Variants in GALNTL6 observed in about 807,000 individuals in gnomAD.
The protein encoded by GALNTL6 is polypeptide N-acetylgalactosaminyltransferase like 6.
Under a neutral mutation model 73.7 loss-of-function variants are expected in GALNTL6, and 46 were observed. The ratio of observed to expected loss-of-function variants is 0.62; its 90% confidence interval spans 0.49 to 0.80. The LOEUF is 0.80. Among genes scored for constraint, GALNTL6 ranks in the 30% least tolerant of loss-of-function variants. The pLI is 0.00. For synonymous variants in GALNTL6, 259 were observed against 263.7 expected (o/e 0.98, Z 0.17); for missense variants, 604 against 755.0 (o/e 0.80, Z 2.34).
intron 5 of GALNTL6, among the ~76,000 whole-genome samples, chr4:172,523,114 T>G (rs966517297): frequency 6.6e-6 from 1 of 152,250 alleles, no homozygotes; most frequent in Non-Finnish European, 1.5e-5. Context: ...TATATATTAC[T>G]CTTGTTAAGC....
At chr4:172,925,443 T>C (rs192274709) in intron 8 of GALNTL6, among the ~76,000 whole-genome samples, 218 of 152,306 alleles carry the variant, frequency 1.4e-3, no homozygotes, top group African/African-American at 5.0e-3. Flanking sequence ...TTTACTCACA[T>C]GAGTATGTCA....
At chr4:172,779,075 A>G (rs1417597086) in intron 5 of GALNTL6, among the ~76,000 whole-genome samples, 1 of 152,044 alleles carries the variant, frequency 6.6e-6, no homozygotes, top group Non-Finnish European at 1.5e-5. Context: ...TGAGCTCCAT[A>G]AGGGCTAATG....
intron 2 of GALNTL6, among the ~76,000 whole-genome samples, chr4:172,166,038 T>G (rs1251008367): frequency 1.3e-5 from 2 of 152,214 alleles, no homozygotes; most frequent in Non-Finnish European, 2.9e-5. Context: ...ATAAACAGTC[T>G]CATGTCATCA....
chr4:171,986,650 G>A (rs1266860241), intron 2 of GALNTL6, among the ~76,000 whole-genome samples: 1 of 152,108 alleles, frequency 6.6e-6, no homozygotes, highest in Non-Finnish European at 1.5e-5. Flanking sequence ...AGATTTTGTG[G>A]TAAGGGGTGA....
intron 2 of GALNTL6, among the ~76,000 whole-genome samples, chr4:172,107,243 T>C (rs930623452): frequency 2.0e-5 from 3 of 152,244 alleles, no homozygotes; most frequent in Admixed American, 6.5e-5. Flanking sequence ...GACTATCCTT[T>C]GTGTTTTGAC....
At chr4:172,475,006 TCAGCTGGTAAA>T (rs1733182176) in intron 5 of GALNTL6, among the ~76,000 whole-genome samples, 1 of 152,232 alleles carries the variant, frequency 6.6e-6, no homozygotes, top group East Asian at 1.9e-4. Flanking sequence ...AGCTGTGCCC[TCAGCTGGTAAA>T]AAATTGTATG....
At chr4:171,881,588 G>A (rs1736450261) in intron 2 of GALNTL6, among the ~76,000 whole-genome samples, 1 of 152,156 alleles carries the variant, frequency 6.6e-6, no homozygotes, top group Non-Finnish European at 1.5e-5. Flanking sequence ...GACACACCCA[G>A]GATCAATACT....
intron 2 of GALNTL6, among the ~76,000 whole-genome samples, chr4:171,894,445 C>T (rs17517151): frequency 0.028 from 4,196 of 152,228 alleles, 117 homozygotes; most frequent in Non-Finnish European, 0.039. Flanking sequence ...CACAAGACTA[C>T]TCTAGATAGG....
At chr4:172,980,581 G>A (rs930801528) in intron 10 of GALNTL6, among the ~76,000 whole-genome samples, 16 of 152,110 alleles carry the variant, frequency 1.1e-4, no homozygotes, top group African/African-American at 3.9e-4. Context: ...TTCCCACCTT[G>A]GAGATAGCCA....
chr4:172,714,533 GA>G (rs1049041688), intron 5 of GALNTL6, among the ~76,000 whole-genome samples: 27 of 152,096 alleles, frequency 1.8e-4, no homozygotes, highest in African/African-American at 5.3e-4. Context: ...TGCACTCTAA[GA>G]AAAAAACTTG....
chr4:172,785,353 T>A (rs956637260), intron 5 of GALNTL6, among the ~76,000 whole-genome samples: 2 of 152,154 alleles, frequency 1.3e-5, no homozygotes, highest in Admixed American at 6.5e-5. Flanking sequence ...ATTATCTTAT[T>A]TAAACTAGAT....
At chr4:172,396,106 A>G (rs1235316025) in intron 5 of GALNTL6, among the ~76,000 whole-genome samples, 1 of 152,088 alleles carries the variant, frequency 6.6e-6, no homozygotes, top group African/African-American at 2.4e-5. Context: ...CTGATAACCA[A>G]AAACTGTGTA....
intron 2 of GALNTL6, among the ~76,000 whole-genome samples, chr4:172,171,951 G>C (rs1287668681): frequency 6.6e-6 from 1 of 152,136 alleles, no homozygotes; most frequent in African/African-American, 2.4e-5. Flanking sequence ...TCCATTGGGT[G>C]GTATCAGATA....
At chr4:171,991,516 C>A (rs1046267621) in intron 2 of GALNTL6, among the ~76,000 whole-genome samples, 3 of 151,678 alleles carry the variant, frequency 2.0e-5, no homozygotes, top group African/African-American at 7.3e-5. Context: ...TAACAAATAT[C>A]AAGACTTTTT....
chr4:172,717,296 C>A (rs1304734082), intron 5 of GALNTL6, among the ~76,000 whole-genome samples: 2 of 152,214 alleles, frequency 1.3e-5, no homozygotes, highest in Non-Finnish European at 2.9e-5. Flanking sequence ...TGCCCCTTAA[C>A]ACATTCTATG....
At chr4:172,174,181 C>T (rs954987181) in intron 2 of GALNTL6, among the ~76,000 whole-genome samples, 4 of 151,974 alleles carry the variant, frequency 2.6e-5, no homozygotes, top group African/African-American at 9.7e-5. Context: ...CTGATCGCAG[C>T]AGTAGAGATG....
At chr4:172,869,435 AAAAGG>A (rs1744814871) in intron 7 of GALNTL6, among the ~76,000 whole-genome samples, 1 of 152,134 alleles carries the variant, frequency 6.6e-6, no homozygotes, top group East Asian at 1.9e-4. Context: ...AAAAGACAGA[AAAAGG>A]AAAGGGGCCA....
At chr4:172,207,682 GT>G (rs1379883260) in intron 2 of GALNTL6, among the ~76,000 whole-genome samples, 1 of 152,070 alleles carries the variant, frequency 6.6e-6, no homozygotes, top group East Asian at 1.9e-4. Flanking sequence ...GGTTCTCTCT[GT>G]TACTAGCTAT....
In GALNTL6 at chr4:172,656,589, ACGGTGTTC is replaced by A. The variant is rs1731030546; in HGVS notation, c.554-152771_554-152764del. Among the ~76,000 whole-genome samples the A allele has an allele frequency of 2.0e-5, 3 of 152,196 alleles. No individual in the cohort carries two copies. The South Asian group carries it at 6.2e-4, about 32-fold the overall frequency. On this transcript the variant is annotated intron_variant, in intron 5 of 12. Transcript: ENST00000506823. The stretch of plus-strand genomic sequence containing the variant: ...ATTCTTTACCCATGTATGCAATGAC[ACGGTGTTC>A]TGTTTCTCAAAGGAACACACATATT...
Sources: gnomAD v4.1 joint callset for allele counts (sites outside exome capture counted in the v4.1 genomes callset) on GRCh38, gnomAD v4.1.1 for gene constraint, MANE v1.5 for transcripts, NCBI Gene and HGNC (gene_info 2026-07-23, HGNC 2026-07-21) for gene names.